TNR: variants seen among roughly 807,000 people sequenced by gnomAD.
TNR encodes tenascin R, also known as tenascin-R.
In TNR, 45 loss-of-function variants were observed where a neutral mutation model predicts 150.4. The ratio of observed to expected loss-of-function variants is 0.30; its 90% CI spans 0.24 to 0.38. The LOEUF (loss-of-function observed/expected upper bound fraction) is 0.38. TNR is among the 10% of genes least tolerant of loss of function. The probability of loss-of-function intolerance (pLI) is 1.00; values close to 1 mark genes in which losing one functional copy is unlikely to be tolerated. For synonymous variants in TNR, 687 were observed against 678.4 expected, an observed-to-expected ratio of 1.01 and a Z score of -0.20; for missense variants, 1,544 against 1,759.1, an observed-to-expected ratio of 0.88 and a Z score of 2.19.
chr1:175,612,491 T>C (rs1375857979), intron 1 of TNR, among the ~76,000 whole-genome samples: 3 of 152,296 alleles, frequency 2.0e-5, no homozygotes, highest in African/African-American at 7.2e-5. Context: ...CATCAGTCAA[T>C]GGGTCAGGCC....
At chr1:175,540,025 T>A (rs1479695737) in intron 1 of TNR, among the ~76,000 whole-genome samples, 1 of 151,978 alleles carries the variant, frequency 6.6e-6, no homozygotes, top group Non-Finnish European at 1.5e-5. Flanking sequence ...ACACTTTCTG[T>A]GCTTTTCCAG....
intron 3 of TNR, among the ~76,000 whole-genome samples, chr1:175,405,592 TGAGA>T (rs754978943): frequency 1.2e-4 from 18 of 146,620 alleles, no homozygotes; most frequent in East Asian, 6.1e-4. Context: ...TGTGCATGCG[TGAGA>T]GAGAGAGTAT....
intron 1 of TNR, among the ~76,000 whole-genome samples, chr1:175,567,568 G>A (rs1054476593): frequency 6.6e-6 from 1 of 152,194 alleles, no homozygotes; most frequent in Non-Finnish European, 1.5e-5. Flanking sequence ...CATGGGAGGA[G>A]CATCTCTGTT....
rs1342105879 is a variant in TNR at position 175,318,661 on chromosome 1, G to A, written c.*4696C>T. ...GAGGCATTCAGCTAAACATCTTCAG[G>A]AATGTGGTCAAAGAGAGGCTACAGG... On this transcript the variant is annotated 3_prime_UTR_variant, in exon 23 of 23. Coordinates refer to ENST00000367674, the MANE Select transcript of TNR (RefSeq NM_003285.3). 1 of 152,224 alleles carries A rather than the reference G, an allele frequency of 6.6e-6. No homozygotes were observed. The highest frequency in any genetic ancestry group is 1.5e-5 in the Non-Finnish European group (1 of 68,086). The allele number at this position is 152,224 out of a possible 1,614,324, so 9.4% of individuals were successfully genotyped here. A position where few individuals can be genotyped will look rare whatever the true frequency, so the allele number is the denominator to read the frequency against.
At chr1:175,449,139 T>C (rs1440434686) in intron 2 of TNR, among the ~76,000 whole-genome samples, 2 of 152,222 alleles carry the variant, frequency 1.3e-5, no homozygotes, top group Admixed American at 1.3e-4. Flanking sequence ...CTTGGAGTTG[T>C]AGGGAGCACT....
Position 175,330,129 on chromosome 1 carries a change from G to A in TNR, c.3738C>T (p.Val1246=), listed in dbSNP as rs377731803. Residue 1246 remains valine, a synonymous_variant, in exon 21 of 23, where the codon GTC becomes GTT. Transcript: ENST00000367674. ...AAFASYDRFS[V]EDSRNLYKLR... is the part of the protein sequence containing the mutation. ...GTTTGTACAGGTTTCTGCTGTCCTC[G>A]ACAGAGAACCTGTCGTAGGAGGCGA... is the stretch of plus-strand genomic sequence containing the variant. 7.1e-5 allele frequency: 115 copies of A among 1,612,862 alleles called. No individual in the cohort carries two copies. The highest frequency in any genetic ancestry group is 9.0e-5 in the Non-Finnish European group (106 of 1,179,084).
chr1:175,426,403 C>T (rs1246095743), intron 2 of TNR, among the ~76,000 whole-genome samples: 3 of 152,136 alleles, frequency 2.0e-5, no homozygotes, highest in Non-Finnish European at 4.4e-5. Context: ...CTTCCCATGC[C>T]AGCCTCTGCA....
At position 175,379,179 on chromosome 1, in the gene TNR, C is replaced by CA. The variant is rs148710947; in HGVS notation, c.1963+372dup. ...GGGCAATAAGAGTGAAACTCCGTCT[C>CA]AAAAAAAAAAAAAAAAAAAAAAGTC... On this transcript the variant is annotated intron_variant, in intron 9 of 22. Transcript: ENST00000367674. Among the ~76,000 whole-genome samples, 349 of 114,696 alleles carry CA rather than the reference C, an allele frequency of 3.0e-3. 1 individual carries two copies. Among genetic ancestry groups the CA allele is most frequent in the Admixed American group, 8.6e-3 (96 of 11,162 alleles). 75.2% of individuals were successfully genotyped at this position (114,696 alleles called of 152,430 possible).
chr1:175,633,978 T>A (rs1293640460), intron 1 of TNR, among the ~76,000 whole-genome samples: 1 of 152,028 alleles, frequency 6.6e-6, no homozygotes, highest in East Asian at 1.9e-4. Context: ...TTTGCTTTTT[T>A]CTTTCGTAGG....
At chr1:175,712,129 A>C (rs1667035298) in intron 1 of TNR, among the ~76,000 whole-genome samples, 1 of 152,094 alleles carries the variant, frequency 6.6e-6, no homozygotes, top group Non-Finnish European at 1.5e-5. Flanking sequence ...GCACTGTGCT[A>C]ATTATTTTAC....
chr1:175,552,348 C>G (rs1482019374), intron 1 of TNR, among the ~76,000 whole-genome samples: 1 of 152,218 alleles, frequency 6.6e-6, no homozygotes, highest in Non-Finnish European at 1.5e-5. Context: ...TGCTAACCCC[C>G]ACAATGCTCT....
intron 2 of TNR, among the ~76,000 whole-genome samples, chr1:175,523,654 C>G (rs183051983): frequency 9.2e-4 from 140 of 152,248 alleles, no homozygotes; most frequent in Middle Eastern, 6.8e-3. Flanking sequence ...ATCCTTAGCA[C>G]AGGTTATTTT....
chr1:175,560,315 AT>A (rs1661369409), intron 1 of TNR, among the ~76,000 whole-genome samples: 1 of 152,250 alleles, frequency 6.6e-6, no homozygotes, highest in Non-Finnish European at 1.5e-5. Flanking sequence ...TAAATCCTTG[AT>A]AAAATAGAGG....
chr1:175,543,626 C>A (rs906882260), intron 1 of TNR, among the ~76,000 whole-genome samples: 1 of 152,050 alleles, frequency 6.6e-6, no homozygotes, highest in African/African-American at 2.4e-5. Context: ...TGTGTTAGCT[C>A]CTGGGCAATT....
intron 2 of TNR, among the ~76,000 whole-genome samples, chr1:175,417,661 T>C (rs1224084267): frequency 1.3e-5 from 2 of 152,028 alleles, no homozygotes; most frequent in Non-Finnish European, 2.9e-5. Flanking sequence ...TCTTAGAACA[T>C]TGAAACCCTT....
At chr1:175,734,752 A>G (rs1667727327) in intron 1 of TNR, among the ~76,000 whole-genome samples, 1 of 152,190 alleles carries the variant, frequency 6.6e-6, no homozygotes. Flanking sequence ...CCTCGCAGAA[A>G]AGGGGAGTGC....
intron 1 of TNR, among the ~76,000 whole-genome samples, chr1:175,559,762 A>G (rs940486356): frequency 2.0e-5 from 3 of 152,190 alleles, no homozygotes; most frequent in Non-Finnish European, 4.4e-5. Context: ...TTGTAGCCAT[A>G]ACAATGAATG....
In TNR at chr1:175,375,793, T is replaced by G. The variant is rs549975451; in HGVS notation, c.1963+3759A>C. ...GCCACGGCTTCAGGTCTGAGCTTTG[T>G]GAGGATTAATACCAATAAAAAATTG... On this transcript the variant is annotated intron_variant, in intron 9 of 22. Coordinates refer to ENST00000367674, the MANE Select transcript of TNR (RefSeq NM_003285.3). Among the ~76,000 whole-genome samples the G allele has an allele frequency of 3.9e-5, 6 of 152,264 alleles. No homozygotes were observed. The East Asian group carries it at 1.2e-3, about 29-fold the overall frequency.
At chr1:175,591,788 C>T (rs1318987874) in intron 1 of TNR, among the ~76,000 whole-genome samples, 1 of 152,152 alleles carries the variant, frequency 6.6e-6, no homozygotes, top group Non-Finnish European at 1.5e-5. Flanking sequence ...ACTTATCTGC[C>T]CCCTCTGGAG....
Sources: allele counts gnomAD v4.1 joint callset (sites outside exome capture counted in the v4.1 genomes callset), GRCh38; gene constraint gnomAD v4.1.1; transcripts MANE v1.5; gene names NCBI Gene and HGNC (gene_info 2026-07-23, HGNC 2026-07-21).